The following STXBP5L variants were observed in gnomAD, a reference collection of about 807,000 sequenced individuals.
STXBP5L encodes syntaxin binding protein 5L.
A neutral mutation model predicts 144.5 loss-of-function variants in STXBP5L; 65 were observed. That is an observed-to-expected ratio of 0.45 (90% CI 0.37 to 0.55). STXBP5L has a LOEUF of 0.55. Among genes scored for constraint, STXBP5L ranks in the 20% least tolerant of loss-of-function variants. STXBP5L has a pLI of 0.00. For missense variants in STXBP5L, 1,298 were observed against 1,405.5 expected (o/e 0.92, Z 1.22); for synonymous variants, 505 against 469.6 (o/e 1.08, Z -0.97).
intron 20 of STXBP5L, among the ~76,000 whole-genome samples, chr3:121,366,046 A>T (rs2045856103): frequency 6.6e-6 from 1 of 151,638 alleles, no homozygotes; most frequent in Non-Finnish European, 1.5e-5. Flanking sequence ...GTGTTGTTTA[A>T]TTTCCACAAG....
intron 22 of STXBP5L, among the ~76,000 whole-genome samples, chr3:121,385,470 G>A (rs148378359): frequency 4.6e-5 from 7 of 152,204 alleles, no homozygotes; most frequent in East Asian, 3.9e-4. Context: ...GATCTAATAC[G>A]TCCCATTAGG....
chr3:120,973,944 T>A (rs1378153976), intron 3 of STXBP5L, among the ~76,000 whole-genome samples: 1 of 152,226 alleles, frequency 6.6e-6, no homozygotes, highest in Non-Finnish European at 1.5e-5. Context: ...TCAATCATTG[T>A]TGGACATTTG....
At chr3:121,169,536 G>A (rs895600392) in intron 9 of STXBP5L, among the ~76,000 whole-genome samples, 7 of 152,086 alleles carry the variant, frequency 4.6e-5, no homozygotes, top group African/African-American at 1.7e-4. Flanking sequence ...GAAAAAGCAA[G>A]AGTTGCAATC....
intron 10 of STXBP5L, among the ~76,000 whole-genome samples, chr3:121,219,446 C>T (rs1313842557): frequency 6.6e-6 from 1 of 152,068 alleles, no homozygotes; most frequent in Non-Finnish European, 1.5e-5. Context: ...GTGTTTTCTT[C>T]TCGGTTTTAT....
At chr3:121,122,961 A>T (rs527529281) in intron 7 of STXBP5L, among the ~76,000 whole-genome samples, 37 of 151,580 alleles carry the variant, frequency 2.4e-4, no homozygotes, top group Non-Finnish European at 5.3e-4. Context: ...GTAAGAAATC[A>T]ATATATAATA....
At chr3:121,094,348 A>T (rs902261693) in intron 5 of STXBP5L, among the ~76,000 whole-genome samples, 4 of 152,052 alleles carry the variant, frequency 2.6e-5, no homozygotes, top group African/African-American at 7.2e-5. Context: ...TGTCTCGTTG[A>T]TCTGTCTAAT....
intron 3 of STXBP5L, among the ~76,000 whole-genome samples, chr3:121,017,512 C>T (rs1484765507): frequency 1.3e-5 from 2 of 152,110 alleles, no homozygotes; most frequent in East Asian, 3.9e-4. Context: ...TCTTTGTTTG[C>T]AGATTACATG....
intron 3 of STXBP5L, among the ~76,000 whole-genome samples, chr3:120,975,760 T>A (rs2107825175): frequency 6.6e-6 from 1 of 152,308 alleles, no homozygotes; most frequent in South Asian, 2.1e-4. Context: ...TGAAGAGTTG[T>A]TGAATTTTGT....
intron 7 of STXBP5L, among the ~76,000 whole-genome samples, chr3:121,149,934 T>C (rs993349023): frequency 6.6e-6 from 1 of 152,122 alleles, no homozygotes; most frequent in Admixed American, 6.6e-5. Flanking sequence ...TTTTCTTCTC[T>C]ACGTACATAT....
intron 20 of STXBP5L, among the ~76,000 whole-genome samples, chr3:121,366,427 A>G (rs1383082167): frequency 6.6e-6 from 1 of 151,856 alleles, no homozygotes; most frequent in Admixed American, 6.6e-5. Flanking sequence ...ATGGTCTCTC[A>G]TTAGAGGCTT....
intron 3 of STXBP5L, among the ~76,000 whole-genome samples, chr3:121,022,303 A>C (rs1361109062): frequency 2.0e-5 from 3 of 152,264 alleles, no homozygotes; most frequent in Non-Finnish European, 2.9e-5. Flanking sequence ...ACAACAACAA[A>C]AAAAGTCCAG....
At chr3:121,046,299 A>G (rs1215971064) in intron 5 of STXBP5L, among the ~76,000 whole-genome samples, 1 of 152,174 alleles carries the variant, frequency 6.6e-6, no homozygotes, top group Non-Finnish European at 1.5e-5. Context: ...ATCTGTGTTC[A>G]TCAAGGATAT....
At chr3:121,226,627 G>A (rs902506190) in intron 11 of STXBP5L, among the ~76,000 whole-genome samples, 1 of 152,134 alleles carries the variant, frequency 6.6e-6, no homozygotes, top group Non-Finnish European at 1.5e-5. Flanking sequence ...AGGGCTAGGG[G>A]ACTCCATCAG....
At chr3:121,210,735 A>G (rs1577219601) in intron 10 of STXBP5L, among the ~76,000 whole-genome samples, 1 of 152,202 alleles carries the variant, frequency 6.6e-6, no homozygotes, top group East Asian at 1.9e-4. Context: ...AAGATCAGAT[A>G]GTTGTAGATG....
chr3:121,097,442 T>C (rs1459437604), intron 5 of STXBP5L, among the ~76,000 whole-genome samples: 1 of 152,070 alleles, frequency 6.6e-6, no homozygotes, highest in East Asian at 1.9e-4. Context: ...CCTGGTGGGG[T>C]AGGCACCATA....
intron 3 of STXBP5L, among the ~76,000 whole-genome samples, chr3:120,992,271 T>A (rs9875423): frequency 0.099 from 15,105 of 152,192 alleles, 1,178 homozygotes; most frequent in Admixed American, 0.2. Flanking sequence ...ATCCATTACC[T>A]CAAGTGTTTA....
intron 3 of STXBP5L, among the ~76,000 whole-genome samples, chr3:121,002,868 C>T (rs954180585): frequency 1.1e-4 from 17 of 152,054 alleles, no homozygotes; most frequent in Non-Finnish European, 2.4e-4. Flanking sequence ...ATCCATGTCC[C>T]TACAAAGAAC....
At chr3:121,125,759 G>C (rs2044675951) in intron 7 of STXBP5L, among the ~76,000 whole-genome samples, 2 of 152,022 alleles carry the variant, frequency 1.3e-5, no homozygotes, top group Non-Finnish European at 1.5e-5. Flanking sequence ...CATTAATTCT[G>C]GATTCAGAAG....
chr3:121,065,695 G>T (rs1347150185), intron 5 of STXBP5L, among the ~76,000 whole-genome samples: 1 of 152,134 alleles, frequency 6.6e-6, no homozygotes, highest in Non-Finnish European at 1.5e-5. Context: ...GGAACTACAG[G>T]CATGTGCCAC....
Sources: allele counts gnomAD v4.1 joint callset (sites outside exome capture counted in the v4.1 genomes callset), GRCh38; gene constraint gnomAD v4.1.1; transcripts MANE v1.5; gene names NCBI Gene and HGNC (gene_info 2026-07-23, HGNC 2026-07-21).